Variants in AMOT observed in about 807,000 individuals in gnomAD.
The protein encoded by AMOT is angiomotin.
A neutral mutation model predicts 67.0 loss-of-function variants in AMOT; 11 were observed. That is an observed-to-expected ratio of 0.16 (90% confidence interval 0.10 to 0.27). The LOEUF is 0.27. Among genes scored for constraint, AMOT ranks in the 10% least tolerant of loss-of-function variants. AMOT has a pLI of 1.00. For missense variants in AMOT, 753 were observed against 852.0 expected (o/e 0.88, Z 1.45); for synonymous variants, 326 against 321.4 (o/e 1.01, Z -0.15).
Position 112,782,485 on chromosome X carries a change from A to G in AMOT, c.2240+55T>C. ...TTTCCTAGCTGTGAATAAAGATCCTATGTGGTCTCTATATCAATGTCTCAG... is the reference window on the plus strand; with the variant it reads ...TTTCCTAGCTGTGAATAAAGATCCTGTGTGGTCTCTATATCAATGTCTCAG... On this transcript the variant is annotated intron_variant, in intron 11 of 13. Transcript: ENST00000371959. The G allele has an allele frequency of 1.2e-5, 15 of 1,203,608 alleles. No homozygotes were observed. The South Asian group carries it at 2.5e-4, about 20-fold the overall frequency.
At position 112,775,163 on chromosome X, in the gene AMOT, C is replaced by T. The variant is rs1932911289; in HGVS notation, c.*3404G>A. On this transcript the variant is annotated 3_prime_UTR_variant, in exon 14 of 14. Coordinates refer to ENST00000371959, the MANE Select transcript of AMOT (RefSeq NM_001113490.2). Reference sequence around the variant, plus strand: ...TGGAAAAAAATAAACAAACTCCCGACACTTGTCCTACTGATGATGGATGGC... The same window carrying T: ...TGGAAAAAAATAAACAAACTCCCGATACTTGTCCTACTGATGATGGATGGC... The T allele has an allele frequency of 8.9e-6, 1 of 112,366 alleles. No individual in the cohort carries two copies. Among genetic ancestry groups the T allele is most frequent in the Non-Finnish European group, 1.9e-5 (1 of 53,322 alleles). The allele number at this position is 112,366 out of a possible 1,213,427, so 9.3% of individuals were successfully genotyped here.
rs1201642336 is a variant in AMOT, at chrX:112,820,240, GTA to G, written c.872+2013_872+2014del. Among the ~76,000 whole-genome samples the G allele has an allele frequency of 4.5e-5, 5 of 111,888 alleles. No individual in the cohort carries two copies. The East Asian group carries it at 1.4e-3, about 31-fold the overall frequency. The stretch of plus-strand genomic sequence containing the variant: ...GAAAAACCTGTTACAGCAAAACTGT[GTA>G]TTAAAATGCTGCTCAACAAGGGTAG... On this transcript the variant is annotated intron_variant, in intron 4 of 13. Coordinates refer to ENST00000371959, the MANE Select transcript of AMOT (RefSeq NM_001113490.2).
intron 4 of AMOT, among the ~76,000 whole-genome samples, chrX:112,821,340 C>A (rs1276303369): frequency 1.8e-5 from 2 of 111,199 alleles, no homozygotes; most frequent in Non-Finnish European, 3.8e-5. Flanking sequence ...CACCATCGGT[C>A]CCCATGGTTT....
intron 2 of AMOT, among the ~76,000 whole-genome samples, chrX:112,831,329 C>G (rs1264029014): frequency 9.1e-6 from 1 of 110,233 alleles, no homozygotes; most frequent in Non-Finnish European, 1.9e-5. Context: ...GACCTCAACT[C>G]TGCTCAACAT....
At position 112,810,736 on chromosome X, in the gene AMOT, G is replaced by GA. The variant is rs1172361438; in HGVS notation, c.1537+512dup. On this transcript the variant is annotated intron_variant, in intron 6 of 13. Transcript: ENST00000371959. Reference sequence around the variant, plus strand: ...AAGAAAAAAAAAAGAAAAGAAAAAGGAAAAAAAAAAGAAAGTACCATCCCC... The same window carrying GA: ...AAGAAAAAAAAAAGAAAAGAAAAAGGAAAAAAAAAAAGAAAGTACCATCCCC... Among the ~76,000 whole-genome samples the GA allele has an allele frequency of 1.4e-3, 149 of 105,251 alleles. 2 individuals are homozygous for GA. Among genetic ancestry groups the GA allele is most frequent in the African/African-American group, 4.4e-3 (127 of 28,998 alleles). 91.4% of individuals were successfully genotyped at this position (105,251 alleles called of 115,157 possible). A position where few individuals can be genotyped will look rare whatever the true frequency, so the allele number is the denominator to read the frequency against.
At chrX:112,818,372 T>C (rs1934625543) in intron 4 of AMOT, among the ~76,000 whole-genome samples, 1 of 110,594 alleles carries the variant, frequency 9.0e-6, no homozygotes, top group African/African-American at 3.3e-5. Flanking sequence ...GACCATGAGG[T>C]CTCCAGAAGG....
At chrX:112,810,053 C>T in intron 6 of AMOT, 67 bp from the exon 7 acceptor site, 1 of 882,361 alleles carries the variant, frequency 1.1e-6, no homozygotes, top group Non-Finnish European at 1.6e-6. Flanking sequence ...TATTGGCCCT[C>T]TAAATACTGA....
chrX:112,785,660 C>T (rs1933342857), intron 10 of AMOT, among the ~76,000 whole-genome samples: 1 of 111,962 alleles, frequency 8.9e-6, no homozygotes, highest in African/African-American at 3.2e-5. Flanking sequence ...CCTTATCTCT[C>T]GTAGAAATGT....
chrX:112,786,280 AC>A (rs1313291742), intron 10 of AMOT, among the ~76,000 whole-genome samples: 1 of 111,937 alleles, frequency 8.9e-6, no homozygotes, highest in African/African-American at 3.2e-5. Context: ...TCCAGAATTT[AC>A]TTTTGCTCAA....
At position 112,779,061 on chromosome X, in the gene AMOT, T is replaced by C. The variant is rs149459069; in HGVS notation, c.3093A>G (p.Pro1031=). ...AVAQAEVPAS[P]ATGPGPHRLS... The stretch of plus-strand genomic sequence containing the variant: ...AACGATGTGGTCCAGGACCGGTAGC[T>C]GGACTTGCAGGAACCTCAGCCTGAG... The change falls in exon 13 of 14, where the codon CCA becomes CCG. Residue 1031 remains proline, a synonymous_variant. Coordinates refer to ENST00000371959, the MANE Select transcript of AMOT (RefSeq NM_001113490.2). 2 of 1,207,809 alleles carry C rather than the reference T, an allele frequency of 1.7e-6. No individual in the cohort carries two copies. The highest frequency in any genetic ancestry group is 2.2e-5 in the Admixed American group (1 of 45,586).
At chrX:112,801,357 C>T (rs1325793721) in intron 8 of AMOT, among the ~76,000 whole-genome samples, 1 of 111,312 alleles carries the variant, frequency 9.0e-6, no homozygotes, top group East Asian at 2.8e-4. Context: ...AGGGCAAGGA[C>T]GGAAAGGCAC....
intron 4 of AMOT, among the ~76,000 whole-genome samples, chrX:112,820,955 GAA>G (rs374832239): frequency 5.4e-5 from 5 of 93,407 alleles, no homozygotes; most frequent in Admixed American, 1.2e-4. Context: ...GGTTAAGAGG[GAA>G]AAAAAAAAAA....
intron 8 of AMOT, among the ~76,000 whole-genome samples, chrX:112,797,880 AAGAG>A (rs202086183): frequency 1.2e-4 from 13 of 108,593 alleles, no homozygotes; most frequent in South Asian, 1.2e-3. Context: ...AATAGAAAGA[AAGAG>A]AGAGAGAGAA....
At chrX:112,780,798 C>CCAT (rs1436805501) in intron 12 of AMOT, 88 bp downstream of exon 12, 2 of 984,941 alleles carry the variant, frequency 2.0e-6, no homozygotes, top group Non-Finnish European at 2.8e-6. Context: ...AGAACCTGGA[C>CCAT]CATCATCCCT....
chrX:112,836,195 T>C (rs1339542182), intron 1 of AMOT, among the ~76,000 whole-genome samples: 1 of 112,128 alleles, frequency 8.9e-6, no homozygotes, highest in African/African-American at 3.2e-5. Flanking sequence ...TGATGGGATT[T>C]CACCATACAG....
intron 8 of AMOT, among the ~76,000 whole-genome samples, chrX:112,799,730 C>A (rs776135789): frequency 2.6e-4 from 29 of 111,455 alleles, no homozygotes; most frequent in Non-Finnish European, 3.8e-4. Context: ...GTAAAAAAAA[C>A]CACCTCTAAA....
chrX:112,829,723 C>A (rs754614360), intron 2 of AMOT, among the ~76,000 whole-genome samples: 1 of 111,942 alleles, frequency 8.9e-6, no homozygotes, highest in African/African-American at 3.2e-5. Context: ...AGGTCTTGGT[C>A]GTTTTTGGTC....
At chrX:112,786,959 A>C (rs1324920251) in intron 10 of AMOT, among the ~76,000 whole-genome samples, 1 of 111,965 alleles carries the variant, frequency 8.9e-6, no homozygotes, top group Non-Finnish European at 1.9e-5. Context: ...TCACCTAAAC[A>C]TACAGCTGAC....
At chrX:112,780,647 C>A (rs1026222383) in intron 12 of AMOT, 9 of 389,104 alleles carry the variant, frequency 2.3e-5, no homozygotes, top group Admixed American at 4.3e-5. Context: ...CCAAATGAAA[C>A]TCAAGATTCT....
Sources: gnomAD v4.1 joint callset for allele counts (sites outside exome capture counted in the v4.1 genomes callset) on GRCh38, gnomAD v4.1.1 for gene constraint, MANE v1.5 for transcripts, NCBI Gene and HGNC (gene_info 2026-07-23, HGNC 2026-07-21) for gene names.